Variants in CLNK observed in about 807,000 individuals in gnomAD.
CLNK encodes the protein cytokine dependent hematopoietic cell linker.
CLNK carries 74 observed loss-of-function variants against 68.6 expected under a neutral mutation model. The observed-to-expected ratio is 1.08, with a 90% CI of 0.89 to 1.31. CLNK has a LOEUF of 1.31. CLNK is among the 50% of genes most tolerant of loss of function. The pLI is 0.00. For synonymous variants in CLNK, 198 were observed against 172.2 expected, an observed-to-expected ratio of 1.15 and a Z score of -1.17; for missense variants, 553 against 515.3, an observed-to-expected ratio of 1.07 and a Z score of -0.71.
intron 12 of CLNK, among the ~76,000 whole-genome samples, chr4:10,529,468 A>G (rs1718451624): frequency 6.6e-6 from 1 of 152,214 alleles, no homozygotes; most frequent in African/African-American, 2.4e-5. Context: ...TTTGGCAACA[A>G]ATTGCTTAGA....
At chr4:10,696,449 C>T in the CLNK span, among the ~76,000 whole-genome samples, 2 of 152,192 alleles carry the variant, frequency 1.3e-5, no homozygotes, top group Non-Finnish European at 2.9e-5. Flanking sequence ...GCATGAGATG[C>T]TTTAGGGCTT....
chr4:10,527,199 A>T (rs184987600), intron 13 of CLNK, among the ~76,000 whole-genome samples: 28 of 152,322 alleles, frequency 1.8e-4, no homozygotes, highest in Non-Finnish European at 4.0e-4. Context: ...CAGTACCTGA[A>T]CATTTTAGTT....
the CLNK span, among the ~76,000 whole-genome samples, chr4:10,701,579 A>T: frequency 6.6e-6 from 1 of 152,244 alleles, no homozygotes; most frequent in Non-Finnish European, 1.5e-5. Flanking sequence ...GATATGCATA[A>T]GGAGCTGGGA....
chr4:10,486,583 A>T lies in CLNK; in HGVS notation c.*3884T>A, dbSNP rs1214710388. 9 of 152,158 alleles carry T rather than the reference A, an allele frequency of 5.9e-5. No individual in the cohort carries two copies. The highest frequency in any genetic ancestry group is 1.9e-4 in the African/African-American group (8 of 41,430). 9.4% of individuals were successfully genotyped at this position (152,158 alleles called of 1,614,324 possible). A position where few individuals can be genotyped will look rare whatever the true frequency, so the allele number is the denominator to read the frequency against. On this transcript the variant is annotated 3_prime_UTR_variant, in exon 19 of 19. Transcript: ENST00000226951. ...ACATACATAATTGGCTACATTCGAC[A>T]ATGGGGTTCATTTGATTCCTCCGTA...
chr4:10,646,344 G>C (rs1391923657), intron 2 of CLNK, among the ~76,000 whole-genome samples: 4 of 152,134 alleles, frequency 2.6e-5, no homozygotes, highest in Non-Finnish European at 5.9e-5. Flanking sequence ...GCTGAATTTT[G>C]TAAGGTTAAG....
chr4:10,674,377 C>T (rs1415522002), intron 1 of CLNK, among the ~76,000 whole-genome samples: 1 of 152,160 alleles, frequency 6.6e-6, no homozygotes, highest in African/African-American at 2.4e-5. Context: ...AATCTAATTG[C>T]AAATGCCAAC....
At chr4:10,509,105 C>CAA (rs35503820) in intron 16 of CLNK, among the ~76,000 whole-genome samples, 60,326 of 105,196 alleles carry the variant, frequency 0.57, 18,687 homozygotes, top group Non-Finnish European at 0.66. Flanking sequence ...GACTCGGTCT[C>CAA]AAAAAAAAAA....
At chr4:10,603,181 C>T (rs1721656414) in intron 2 of CLNK, among the ~76,000 whole-genome samples, 2 of 152,220 alleles carry the variant, frequency 1.3e-5, no homozygotes, top group Admixed American at 1.3e-4. Context: ...TCATTCTATA[C>T]ACTCAGAGTG....
chr4:10,659,390 G>A (rs1302762940), intron 2 of CLNK, among the ~76,000 whole-genome samples: 1 of 152,104 alleles, frequency 6.6e-6, no homozygotes, highest in East Asian at 1.9e-4. Context: ...TTACTATAAC[G>A]ATTTCATTTA....
At chr4:10,527,163 A>C (rs1276359542) in intron 13 of CLNK, among the ~76,000 whole-genome samples, 1 of 152,176 alleles carries the variant, frequency 6.6e-6, no homozygotes, top group Non-Finnish European at 1.5e-5. Context: ...TTGTGTTAAT[A>C]ATCATTGTTG....
At chr4:10,516,190 T>G (rs542508530) in intron 15 of CLNK, among the ~76,000 whole-genome samples, 1 of 152,266 alleles carries the variant, frequency 6.6e-6, no homozygotes, top group African/African-American at 2.4e-5. Context: ...ATAAAATCTT[T>G]AGGATATATA....
At chr4:10,619,995 A>G (rs1722374020) in intron 2 of CLNK, among the ~76,000 whole-genome samples, 1 of 152,114 alleles carries the variant, frequency 6.6e-6, no homozygotes, top group Non-Finnish European at 1.5e-5. Flanking sequence ...TCAATCACCA[A>G]CCCCTGTTTT....
the CLNK span, among the ~76,000 whole-genome samples, chr4:10,711,754 T>C: frequency 5.3e-5 from 8 of 152,322 alleles, no homozygotes; most frequent in South Asian, 1.0e-3. Flanking sequence ...GATCATCCAC[T>C]TTACTAAAGA....
chr4:10,487,068 G>T lies in CLNK; in HGVS notation c.*3399C>A, dbSNP rs1231540191. 6.6e-6 allele frequency: 1 copy of T among 152,174 alleles called. No homozygotes were observed. The highest frequency in any genetic ancestry group is 2.4e-5 in the African/African-American group (1 of 41,432). The allele number at this position is 152,174 out of a possible 1,614,324, so 9.4% of individuals were successfully genotyped here. A position where few individuals can be genotyped will look rare whatever the true frequency, so the allele number is the denominator to read the frequency against. Reference sequence around the variant, plus strand: ...ATTTAGTCCAAAAAATATCTGGAAAGCATAAATGCTGTAATTGGATAAAGC... The same window carrying T: ...ATTTAGTCCAAAAAATATCTGGAAATCATAAATGCTGTAATTGGATAAAGC... On this transcript the variant is annotated 3_prime_UTR_variant, in exon 19 of 19. Coordinates refer to ENST00000226951, the MANE Select transcript of CLNK (RefSeq NM_052964.4).
At chr4:10,673,145 C>G (rs1724723041) in intron 1 of CLNK, among the ~76,000 whole-genome samples, 1 of 152,182 alleles carries the variant, frequency 6.6e-6, no homozygotes, top group Non-Finnish European at 1.5e-5. Context: ...CAGGCTCTTG[C>G]AATTGTACAG....
At chr4:10,626,396 C>G (rs1215211223) in intron 2 of CLNK, among the ~76,000 whole-genome samples, 1 of 152,140 alleles carries the variant, frequency 6.6e-6, no homozygotes, top group Non-Finnish European at 1.5e-5. Flanking sequence ...TCCTCTGATT[C>G]TCTTGAATGT....
intron 3 of CLNK, among the ~76,000 whole-genome samples, chr4:10,587,383 G>C (rs187146887): frequency 6.6e-6 from 1 of 152,288 alleles, no homozygotes; most frequent in South Asian, 2.1e-4. Context: ...GCAGTGGAAG[G>C]CTCCCGAGGA....
chr4:10,640,883 T>C (rs942817660), intron 2 of CLNK, among the ~76,000 whole-genome samples: 2 of 152,220 alleles, frequency 1.3e-5, no homozygotes, highest in Non-Finnish European at 2.9e-5. Flanking sequence ...AGTGCTCACC[T>C]GGGAGCCTGT....
the CLNK span, among the ~76,000 whole-genome samples, chr4:10,718,827 C>T: frequency 3.3e-5 from 5 of 151,748 alleles, no homozygotes; most frequent in South Asian, 8.3e-4. Context: ...AATTACAACC[C>T]GTCTAATATG....
Sources: gnomAD v4.1 joint callset for allele counts (sites outside exome capture counted in the v4.1 genomes callset) on GRCh38, gnomAD v4.1.1 for gene constraint, MANE v1.5 for transcripts, NCBI Gene and HGNC (gene_info 2026-07-23, HGNC 2026-07-21) for gene names.